Variants in ADCY2 observed in about 807,000 individuals in gnomAD.
The protein encoded by ADCY2 is adenylate cyclase 2, also known as adenylate cyclase type 2.
ADCY2 carries 31 observed loss-of-function variants against 125.2 expected under a neutral mutation model. That is an observed-to-expected ratio of 0.25 (90% CI 0.19 to 0.33). The LOEUF (loss-of-function observed/expected upper bound fraction) is 0.33. Among genes scored for constraint, ADCY2 ranks in the 10% least tolerant of loss-of-function variants. The pLI, the probability that ADCY2 is intolerant of heterozygous loss-of-function variation, is 1.00. For synonymous variants in ADCY2, 512 were observed against 548.4 expected (o/e 0.93, Z 0.93); for missense variants, 904 against 1,418.2 (o/e 0.64, Z 5.82).
At chr5:7,465,673 C>T (rs941963117) in intron 2 of ADCY2, among the ~76,000 whole-genome samples, 2 of 152,166 alleles carry the variant, frequency 1.3e-5, no homozygotes, top group Non-Finnish European at 1.5e-5. Context: ...TACTTATATG[C>T]TGCAAAGTAT....
At chr5:7,647,802 T>G (rs1428597052) in intron 4 of ADCY2, among the ~76,000 whole-genome samples, 1 of 152,262 alleles carries the variant, frequency 6.6e-6, no homozygotes, top group East Asian at 1.9e-4. Context: ...GACTCATCAA[T>G]CCTATCTGCT....
chr5:7,602,404 T>G (rs1258713612), intron 3 of ADCY2, among the ~76,000 whole-genome samples: 1 of 152,182 alleles, frequency 6.6e-6, no homozygotes, highest in Non-Finnish European at 1.5e-5. Context: ...TTCCACCAGG[T>G]ACACTCCAGG....
At chr5:7,631,615 G>A (rs915859370) in intron 4 of ADCY2, among the ~76,000 whole-genome samples, 1 of 152,162 alleles carries the variant, frequency 6.6e-6, no homozygotes, top group Non-Finnish European at 1.5e-5. Flanking sequence ...CATCCAAAAT[G>A]GTATCCTGCT....
rs191085916 is a variant in ADCY2, at chr5:7,576,443, A to G, written c.571-49724A>G. On this transcript the variant is annotated intron_variant, in intron 3 of 24. Coordinates refer to ENST00000338316, the MANE Select transcript of ADCY2 (RefSeq NM_020546.3). Reference sequence around the variant, plus strand: ...GGTTGGCATTTGGAATGGACAGGACAGTGACATGCTAGATGTTTTAGGTGA... The same window carrying G: ...GGTTGGCATTTGGAATGGACAGGACGGTGACATGCTAGATGTTTTAGGTGA... Among the ~76,000 whole-genome samples the G allele has an allele frequency of 3.0e-3, 462 of 152,338 alleles. 2 individuals carry two copies. Among genetic ancestry groups the G allele is most frequent in the Non-Finnish European group, 5.0e-3 (337 of 68,038 alleles).
intron 2 of ADCY2, among the ~76,000 whole-genome samples, chr5:7,448,146 C>G (rs1053364420): frequency 6.6e-6 from 1 of 152,144 alleles, no homozygotes; most frequent in African/African-American, 2.4e-5. Flanking sequence ...CCCACAAGAC[C>G]CTGAGGTAGG....
At chr5:7,823,504 G>C (rs1745367783) in intron 24 of ADCY2, among the ~76,000 whole-genome samples, 1 of 152,158 alleles carries the variant, frequency 6.6e-6, no homozygotes, top group African/African-American at 2.4e-5. Flanking sequence ...TGGTACCAAG[G>C]CTTCCGGGAC....
At chr5:7,724,642 C>T in intron 13 of ADCY2, 28 bp downstream of exon 13, 1 of 1,476,728 alleles carries the variant, frequency 6.8e-7, no homozygotes, top group Non-Finnish European at 9.3e-7. Context: ...TCAAAATCAT[C>T]AATCGAGTTT....
intron 4 of ADCY2, among the ~76,000 whole-genome samples, chr5:7,626,970 C>G (rs75140318): frequency 6.6e-6 from 1 of 152,170 alleles, no homozygotes; most frequent in Admixed American, 6.5e-5. Context: ...CAGCCAGATA[C>G]GCCAACCATC....
At chr5:7,549,793 G>A (rs919618907) in intron 3 of ADCY2, among the ~76,000 whole-genome samples, 16 of 152,184 alleles carry the variant, frequency 1.1e-4, no homozygotes, top group South Asian at 4.1e-4. Context: ...GCCAGGCAGC[G>A]TGTGAGTGGT....
intron 11 of ADCY2, among the ~76,000 whole-genome samples, chr5:7,716,586 A>G (rs1287614718): frequency 6.6e-6 from 1 of 152,244 alleles, no homozygotes; most frequent in African/African-American, 2.4e-5. Flanking sequence ...CACTCAATCC[A>G]AAGAGTGGCT....
chr5:7,583,682 TG>T (rs1168594142), intron 3 of ADCY2, among the ~76,000 whole-genome samples: 2 of 152,104 alleles, frequency 1.3e-5, no homozygotes, highest in Non-Finnish European at 2.9e-5. Flanking sequence ...TATAGCCATT[TG>T]GGGAAAAGAT....
chr5:7,562,793 G>A (rs1260095138), intron 3 of ADCY2, among the ~76,000 whole-genome samples: 2 of 152,046 alleles, frequency 1.3e-5, no homozygotes, highest in East Asian at 3.8e-4. Context: ...TATTCTCAGT[G>A]GGTTTATGAA....
At chr5:7,480,672 C>G (rs173751) in intron 2 of ADCY2, among the ~76,000 whole-genome samples, 48,224 of 151,840 alleles carry the variant, frequency 0.32, 8,511 homozygotes, top group East Asian at 0.53. Flanking sequence ...ATACCTGGGT[C>G]ATGAAATAAT....
intron 19 of ADCY2, among the ~76,000 whole-genome samples, chr5:7,785,038 A>G (rs1744040101): frequency 6.6e-6 from 1 of 152,222 alleles, no homozygotes; most frequent in Non-Finnish European, 1.5e-5. Flanking sequence ...TTCAACAAAG[A>G]CAGTTGCCCA....
chr5:7,707,051 T>G, intron 8 of ADCY2, 149 bp downstream of exon 8: 1 of 1,005,698 alleles, frequency 9.9e-7, no homozygotes, highest in Non-Finnish European at 1.4e-6. Flanking sequence ...CCTCTTATGT[T>G]AAGCAGATAA....
At chr5:7,516,820 TAACA>T (rs1744268593) in intron 2 of ADCY2, among the ~76,000 whole-genome samples, 1 of 151,826 alleles carries the variant, frequency 6.6e-6, no homozygotes, top group African/African-American at 2.4e-5. Context: ...CTCTATTTCC[TAACA>T]AACAGAAACG....
intron 3 of ADCY2, among the ~76,000 whole-genome samples, chr5:7,570,132 A>T (rs558918516): frequency 6.6e-6 from 1 of 152,030 alleles, no homozygotes; most frequent in Admixed American, 6.6e-5. Context: ...TCCCTGAATG[A>T]TTAAATTTCC....
intron 11 of ADCY2, among the ~76,000 whole-genome samples, chr5:7,715,672 A>G (rs1741571754): frequency 6.6e-6 from 1 of 152,174 alleles, no homozygotes; most frequent in South Asian, 2.1e-4. Context: ...ATCACTTAAT[A>G]TGATTCATTT....
At chr5:7,798,649 G>A (rs1386022243) in intron 20 of ADCY2, 2 of 148,306 alleles carry the variant, frequency 1.3e-5, no homozygotes, top group African/African-American at 2.5e-5. Context: ...GCACGATCTC[G>A]GCTCACTGCA....
Sources: allele counts gnomAD v4.1 joint callset (sites outside exome capture counted in the v4.1 genomes callset), GRCh38; gene constraint gnomAD v4.1.1; transcripts MANE v1.5; gene names NCBI Gene and HGNC (gene_info 2026-07-23, HGNC 2026-07-21).